Variants in C8orf34 observed in about 807,000 individuals in gnomAD.
C8orf34 encodes the protein chromosome 8 open reading frame 34, also known as uncharacterized protein C8orf34.
Under a neutral mutation model 68.3 loss-of-function variants are expected in C8orf34, and 65 were observed. The observed-to-expected ratio is 0.95, with a 90% CI of 0.78 to 1.17. The LOEUF is 1.17. C8orf34 is among the 50% of genes most tolerant of loss of function. The probability of loss-of-function intolerance (pLI) is 0.00; values close to 1 mark genes in which losing one functional copy is unlikely to be tolerated. For missense variants in C8orf34, 664 were observed against 655.4 expected (o/e 1.01, Z -0.14); for synonymous variants, 244 against 241.2 (o/e 1.01, Z -0.11).
chr8:68,467,744 T>G (rs145122899), intron 3 of C8orf34, among the ~76,000 whole-genome samples: 16 of 152,110 alleles, frequency 1.1e-4, no homozygotes, highest in African/African-American at 3.9e-4. Flanking sequence ...GTATCCTAAT[T>G]TGTTCCCTAG....
chr8:68,772,895 CT>C (rs1483509921), intron 10 of C8orf34, among the ~76,000 whole-genome samples: 15 of 146,948 alleles, frequency 1.0e-4, no homozygotes, highest in East Asian at 2.0e-4. Context: ...TTCCTTCTTT[CT>C]TTTTTTTCTA....
intron 9 of C8orf34, among the ~76,000 whole-genome samples, chr8:68,715,341 CAG>C (rs1821440911): frequency 6.6e-6 from 1 of 152,070 alleles, no homozygotes; most frequent in Non-Finnish European, 1.5e-5. Context: ...AGAAAATGCA[CAG>C]AGTGGGAGAA....
At chr8:68,433,999 C>T (rs2129625087) in intron 1 of C8orf34, among the ~76,000 whole-genome samples, 1 of 152,258 alleles carries the variant, frequency 6.6e-6, no homozygotes, top group South Asian at 2.1e-4. Flanking sequence ...GGTTATTAGA[C>T]TCTTAAATTC....
At chr8:68,747,933 T>C (rs1020938485) in intron 10 of C8orf34, among the ~76,000 whole-genome samples, 35 of 151,996 alleles carry the variant, frequency 2.3e-4, no homozygotes, top group African/African-American at 8.0e-4. Flanking sequence ...GCCAAGTCAA[T>C]CCTAAGCCAA....
chr8:68,533,968 AAAT>A, intron 7 of C8orf34: 1 of 856,844 alleles, frequency 1.2e-6, no homozygotes, highest in Non-Finnish European at 1.4e-6. Context: ...GAAAGAGAAT[AAAT>A]AATATAATTA....
chr8:68,641,666 G>A (rs1057058581), intron 8 of C8orf34, among the ~76,000 whole-genome samples: 7 of 152,138 alleles, frequency 4.6e-5, no homozygotes, highest in Admixed American at 2.6e-4. Context: ...GAGAGGGGTC[G>A]ATGCTTGGTT....
intron 8 of C8orf34, among the ~76,000 whole-genome samples, chr8:68,667,069 T>C (rs1371106890): frequency 6.6e-6 from 1 of 152,134 alleles, no homozygotes; most frequent in Non-Finnish European, 1.5e-5. Context: ...TTACAAAATA[T>C]GAAAAACCTT....
intron 10 of C8orf34, among the ~76,000 whole-genome samples, chr8:68,744,651 G>T (rs1328625159): frequency 1.3e-5 from 2 of 152,140 alleles, no homozygotes; most frequent in African/African-American, 4.8e-5. Context: ...AAGATGAAAT[G>T]AATGAAATGA....
At chr8:68,670,649 G>T (rs1819980863) in intron 8 of C8orf34, among the ~76,000 whole-genome samples, 1 of 151,994 alleles carries the variant, frequency 6.6e-6, no homozygotes, top group Non-Finnish European at 1.5e-5. Flanking sequence ...CTGTCCCCTT[G>T]CAATTGTCTC....
intron 1 of C8orf34, among the ~76,000 whole-genome samples, chr8:68,417,750 T>C (rs1809739997): frequency 6.6e-6 from 1 of 152,148 alleles, no homozygotes; most frequent in Non-Finnish European, 1.5e-5. Context: ...TTTGTTCTTT[T>C]GGCTTAGGAT....
intron 1 of C8orf34, among the ~76,000 whole-genome samples, chr8:68,339,650 A>G (rs970404573): frequency 5.9e-5 from 9 of 152,020 alleles, no homozygotes; most frequent in African/African-American, 2.2e-4. Flanking sequence ...GTATTGGTGT[A>G]AATTGAAATG....
intron 10 of C8orf34, among the ~76,000 whole-genome samples, chr8:68,732,965 G>C (rs531681162): frequency 6.6e-6 from 1 of 152,258 alleles, no homozygotes; most frequent in South Asian, 2.1e-4. Context: ...TTGGGAGGCT[G>C]AGACAGGAGA....
chr8:68,443,310 A>C (rs1262504560), intron 2 of C8orf34, among the ~76,000 whole-genome samples: 1 of 152,146 alleles, frequency 6.6e-6, no homozygotes, highest in African/African-American at 2.4e-5. Context: ...TACTAATGAA[A>C]CTGAAGGGGT....
intron 4 of C8orf34, among the ~76,000 whole-genome samples, chr8:68,479,259 A>G (rs1812753275): frequency 6.6e-6 from 1 of 152,126 alleles, no homozygotes; most frequent in African/African-American, 2.4e-5. Flanking sequence ...TAGAGAAAGG[A>G]GGAGTACGTC....
At chr8:68,434,476 T>C (rs1038468812) in intron 1 of C8orf34, among the ~76,000 whole-genome samples, 5 of 152,222 alleles carry the variant, frequency 3.3e-5, no homozygotes, top group African/African-American at 1.2e-4. Flanking sequence ...GCAAAGGACA[T>C]GAACTCATAC....
At chr8:68,453,549 G>A (rs1811430761) in intron 3 of C8orf34, among the ~76,000 whole-genome samples, 1 of 151,946 alleles carries the variant, frequency 6.6e-6, no homozygotes, top group Non-Finnish European at 1.5e-5. Context: ...AAATGGAATT[G>A]TTTCTTATTT....
At chr8:68,564,443 A>C (rs1318964337) in intron 7 of C8orf34, among the ~76,000 whole-genome samples, 3 of 152,198 alleles carry the variant, frequency 2.0e-5, no homozygotes, top group Non-Finnish European at 2.9e-5. Flanking sequence ...TTATTTCTCT[A>C]TTCAAGCCTG....
At chr8:68,580,143 C>T (rs1338349575) in intron 7 of C8orf34, among the ~76,000 whole-genome samples, 11 of 151,992 alleles carry the variant, frequency 7.2e-5, no homozygotes, top group South Asian at 6.2e-4. Flanking sequence ...ATTATTCATT[C>T]GCAGAACCAT....
At chr8:68,479,125 T>C (rs935006501) in intron 4 of C8orf34, among the ~76,000 whole-genome samples, 3 of 152,144 alleles carry the variant, frequency 2.0e-5, no homozygotes, top group Admixed American at 6.5e-5. Context: ...AGGATGTGTA[T>C]AGTTACTTTA....
Sources: allele counts gnomAD v4.1 joint callset (sites outside exome capture counted in the v4.1 genomes callset), GRCh38; gene constraint gnomAD v4.1.1; transcripts MANE v1.5; gene names NCBI Gene and HGNC (gene_info 2026-07-23, HGNC 2026-07-21).